Variants in LRP2BP observed in about 807,000 individuals in gnomAD.
LRP2BP encodes the protein LRP2 binding protein.
Under a neutral mutation model 45.2 loss-of-function variants are expected in LRP2BP, and 38 were observed. The ratio of observed to expected loss-of-function variants is 0.84; its 90% CI spans 0.65 to 1.10. The LOEUF is 1.10. Ranked by LOEUF, LRP2BP falls within the 50% of genes least tolerant of loss-of-function variation. LRP2BP has a pLI of 0.00. For missense variants in LRP2BP, 385 were observed against 418.9 expected (o/e 0.92, Z 0.71); for synonymous variants, 153 against 153.9 (o/e 0.99, Z 0.04).
chr4:185,366,553 G>A lies in LRP2BP; in HGVS notation c.*627C>T, dbSNP rs1009725205. ...AGCCAATTATTTATGAGCTTTTTAA[G>A]AATAAAGGATGTCTCAAAAGGCTTA... is the stretch of plus-strand genomic sequence containing the variant. On this transcript the variant is annotated 3_prime_UTR_variant, in exon 9 of 9. Coordinates refer to ENST00000505916, the MANE Select transcript of LRP2BP (RefSeq NM_001377440.1). The A allele has an allele frequency of 1.3e-5, 2 of 152,108 alleles. No individual in the cohort carries two copies. Among genetic ancestry groups the A allele is most frequent in the Non-Finnish European group, 2.9e-5 (2 of 68,014 alleles). 9.4% of individuals were successfully genotyped at this position (152,108 alleles called of 1,614,324 possible). A position where few individuals can be genotyped will look rare whatever the true frequency, so the allele number is the denominator to read the frequency against.
chr4:185,395,476 C>T lies in LRP2BP; in HGVS notation c.-719G>A. The T allele has an allele frequency of 5.1e-6, 5 of 985,278 alleles. No individual in the cohort carries two copies. Among genetic ancestry groups the T allele is most frequent in the East Asian group, 2.3e-4 (2 of 8,812 alleles). The allele number at this position is 985,278 out of a possible 1,614,324, so 61.0% of individuals were successfully genotyped here. A position where few individuals can be genotyped will look rare whatever the true frequency, so the allele number is the denominator to read the frequency against. On this transcript the variant is annotated 5_prime_UTR_variant, in exon 1 of 9. Coordinates refer to ENST00000505916, the MANE Select transcript of LRP2BP (RefSeq NM_001377440.1). ...ACAAAAGCGAAACTGGCAATATCAA[C>T]GTGTGCTCACCTCACAAATCTGACA...
At chr4:185,392,547 A>G (rs1561096586) in intron 1 of LRP2BP, among the ~76,000 whole-genome samples, 1 of 152,158 alleles carries the variant, frequency 6.6e-6, no homozygotes, top group African/African-American at 2.4e-5. Context: ...TGGCATTGCA[A>G]TGAAGCCCAG....
intron 1 of LRP2BP, among the ~76,000 whole-genome samples, chr4:185,380,649 T>C (rs1460475154): frequency 6.6e-6 from 1 of 152,176 alleles, no homozygotes; most frequent in Non-Finnish European, 1.5e-5. Flanking sequence ...ATGTAAAATA[T>C]CCTATTTCCA....
At chr4:185,397,150 G>A, upstream of LRP2BP, 4 of 1,613,374 alleles carry the variant, frequency 2.5e-6, no homozygotes, top group Non-Finnish European at 2.5e-6. Context: ...CTTCCTGCAG[G>A]TGGATGGTCT....
upstream of LRP2BP, chr4:185,397,203 GGATCCCT>G: frequency 6.2e-7 from 1 of 1,613,978 alleles, no homozygotes; most frequent in Non-Finnish European, 8.5e-7. Context: ...ACGCACCCCC[GGATCCCT>G]GCAAGCAGTC....
chr4:185,376,227 T>C (rs1330088289), intron 3 of LRP2BP, among the ~76,000 whole-genome samples: 4 of 152,156 alleles, frequency 2.6e-5, no homozygotes, highest in African/African-American at 9.7e-5. Flanking sequence ...CCCTAAGTAC[T>C]AGATAAAAAT....
intron 7 of LRP2BP, 199 bp from the exon 8 acceptor site, chr4:185,371,013 C>A: frequency 3.8e-6 from 2 of 527,940 alleles, no homozygotes; most frequent in South Asian, 2.9e-5. Context: ...GTGGTGACTT[C>A]ACATGTCTCT....
At chr4:185,379,054 T>C in intron 1 of LRP2BP, 2 of 799,250 alleles carry the variant, frequency 2.5e-6, no homozygotes, top group Non-Finnish European at 3.0e-6. Flanking sequence ...AAGGAACATT[T>C]AGTAGGGGAA....
chr4:185,371,384 T>C (rs957036379), intron 7 of LRP2BP, among the ~76,000 whole-genome samples: 2 of 151,328 alleles, frequency 1.3e-5, no homozygotes, highest in East Asian at 3.9e-4. Flanking sequence ...CTAAAAAAGA[T>C]ACAAAAAATT....
At chr4:185,369,927 G>A in intron 8 of LRP2BP, 1 of 290,662 alleles carries the variant, frequency 3.4e-6, no homozygotes, top group South Asian at 3.3e-5. Flanking sequence ...CCCCCACTCA[G>A]GCTGAACAAT....
intron 1 of LRP2BP, among the ~76,000 whole-genome samples, chr4:185,385,910 G>GC (rs1554020211): frequency 4.9e-5 from 4 of 81,952 alleles, no homozygotes; most frequent in Admixed American, 1.1e-4. Flanking sequence ...CGGGGAGGGG[G>GC]GGGGGGAGAT....
chr4:185,376,713 G>A (rs893528968), intron 3 of LRP2BP, among the ~76,000 whole-genome samples, 196 bp downstream of exon 3: 1 of 152,098 alleles, frequency 6.6e-6, no homozygotes, highest in Non-Finnish European at 1.5e-5. Context: ...TTCATGACAT[G>A]GATTTTATGA....
chr4:185,371,357 G>A (rs1225035804), intron 7 of LRP2BP, among the ~76,000 whole-genome samples: 1 of 151,906 alleles, frequency 6.6e-6, no homozygotes, highest in Non-Finnish European at 1.5e-5. Flanking sequence ...GGCTAACATG[G>A]TGAAACCCCG....
intron 7 of LRP2BP, among the ~76,000 whole-genome samples, chr4:185,371,541 A>T (rs1426672169): frequency 3.3e-4 from 2 of 6,140 alleles, no homozygotes; most frequent in Non-Finnish European, 6.1e-4. Context: ...GACTCCGTCT[A>T]AAAAAAAAAA....
chr4:185,385,901 G>A lies in LRP2BP; in HGVS notation c.-21-7694C>T, dbSNP rs1214184716. On this transcript the variant is annotated intron_variant, in intron 1 of 8. Coordinates refer to ENST00000505916, the MANE Select transcript of LRP2BP (RefSeq NM_001377440.1). ...GGGTGACAGAGCAAGACTCTGTCTCGGGGAGGGGGGGGGGGAGATAAAGAA... is the reference window on the plus strand; with the variant it reads ...GGGTGACAGAGCAAGACTCTGTCTCAGGGAGGGGGGGGGGGAGATAAAGAA... Among the ~76,000 whole-genome samples, 17 of 50,926 alleles carry A rather than the reference G, an allele frequency of 3.3e-4. No homozygotes were observed. The East Asian group carries it at 5.7e-3, about 17-fold the overall frequency. 33.4% of individuals were successfully genotyped at this position (50,926 alleles called of 152,430 possible). A position where few individuals can be genotyped will look rare whatever the true frequency, so the allele number is the denominator to read the frequency against.
intron 2 of LRP2BP, chr4:185,377,237 G>A (rs1250284339): frequency 4.1e-6 from 2 of 488,700 alleles, no homozygotes; most frequent in African/African-American, 3.9e-5. Context: ...AGCAATACTG[G>A]CCGGGCGCGG....
chr4:185,383,772 AC>A (rs1353061179), intron 1 of LRP2BP, among the ~76,000 whole-genome samples: 1 of 152,242 alleles, frequency 6.6e-6, no homozygotes. Flanking sequence ...GAGGATGCCT[AC>A]ATGACTTGCC....
intron 8 of LRP2BP, among the ~76,000 whole-genome samples, chr4:185,368,788 CTGTTT>C (rs2095402195): frequency 2.1e-5 from 3 of 145,262 alleles, no homozygotes; most frequent in South Asian, 2.2e-4. Context: ...AGATTGGAAT[CTGTTT>C]TGTTTTTTTT....
chr4:185,396,068 G>C, upstream of LRP2BP: 1 of 200,060 alleles, frequency 5.0e-6, no homozygotes, highest in African/African-American at 2.4e-5. Context: ...GGCCGGGTCC[G>C]CTCTCCCGGG....
Sources: allele counts gnomAD v4.1 joint callset (sites outside exome capture counted in the v4.1 genomes callset), GRCh38; gene constraint gnomAD v4.1.1; transcripts MANE v1.5; gene names NCBI Gene and HGNC (gene_info 2026-07-23, HGNC 2026-07-21).